The following PTBP3 variants were observed in gnomAD, a reference collection of about 807,000 sequenced individuals.
The protein encoded by PTBP3 is polypyrimidine tract-binding protein 3.
A neutral mutation model predicts 58.7 loss-of-function variants in PTBP3; 20 were observed. The ratio of observed to expected loss-of-function variants is 0.34; its 90% confidence interval spans 0.24 to 0.50. The LOEUF is 0.50. Ranked by LOEUF, PTBP3 falls within the 20% of genes least tolerant of loss-of-function variation. The pLI, the probability that PTBP3 is intolerant of heterozygous loss-of-function variation, is 0.98. For synonymous variants in PTBP3, 185 were observed against 219.8 expected (o/e 0.84, Z 1.40); for missense variants, 509 against 637.2 (o/e 0.80, Z 2.17).
the PTBP3 span, among the ~76,000 whole-genome samples, chr9:112,346,871 G>A: frequency 9.9e-5 from 15 of 152,052 alleles, 1 homozygote; most frequent in Non-Finnish European, 2.1e-4. Flanking sequence ...CTACAGGTGC[G>A]TGCCACCACA....
At chr9:112,338,862 C>A in the PTBP3 span, among the ~76,000 whole-genome samples, 1 of 152,194 alleles carries the variant, frequency 6.6e-6, no homozygotes, top group Non-Finnish European at 1.5e-5. Flanking sequence ...ATGGCCAGTG[C>A]CTGGCACAGA....
the PTBP3 span, among the ~76,000 whole-genome samples, chr9:112,366,664 C>G: frequency 2.0e-5 from 3 of 152,334 alleles, no homozygotes; most frequent in East Asian, 5.8e-4. Flanking sequence ...CAGAAGTTTG[C>G]TGCAGGGGTG....
chr9:112,272,569 T>A (rs567924830), intron 3 of PTBP3: 31 of 152,260 alleles, frequency 2.0e-4, no homozygotes, highest in African/African-American at 7.5e-4. Flanking sequence ...CATCTATCCA[T>A]CCATCCATTT....
chr9:112,245,989 T>A (rs1039424412), intron 7 of PTBP3, among the ~76,000 whole-genome samples: 1 of 139,794 alleles, frequency 7.2e-6, no homozygotes, highest in Non-Finnish European at 1.5e-5. Context: ...AAGAAAAACA[T>A]TTTTTTTTTT....
chr9:112,336,553 G>A (rs377696846), upstream of PTBP3, among the ~76,000 whole-genome samples: 12 of 152,006 alleles, frequency 7.9e-5, no homozygotes, highest in African/African-American at 1.7e-4. Flanking sequence ...AGGTCAAAGC[G>A]GCAGCATTGC....
intron 1 of PTBP3, chr9:112,332,772 T>C (rs913522610): frequency 6.2e-7 from 1 of 1,612,388 alleles, no homozygotes; most frequent in Non-Finnish European, 8.5e-7. Flanking sequence ...TCGTACATCA[T>C]ATTTTACATA....
At chr9:112,369,005 C>G in the PTBP3 span, among the ~76,000 whole-genome samples, 1 of 152,342 alleles carries the variant, frequency 6.6e-6, no homozygotes, top group East Asian at 1.9e-4. Flanking sequence ...TGATGGCTTA[C>G]ACGAGGTCTT....
intron 2 of PTBP3, among the ~76,000 whole-genome samples, chr9:112,287,021 G>T (rs549681989): frequency 2.6e-5 from 4 of 151,878 alleles, no homozygotes; most frequent in Non-Finnish European, 5.9e-5. Context: ...CCCCTCATCC[G>T]TCTCCACCAA....
intron 1 of PTBP3, among the ~76,000 whole-genome samples, chr9:112,319,618 G>A (rs1307199090): frequency 1.3e-5 from 2 of 152,124 alleles, no homozygotes; most frequent in Non-Finnish European, 2.9e-5. Context: ...CAGTATGGAA[G>A]TTTCTAAAAA....
intron 1 of PTBP3, among the ~76,000 whole-genome samples, chr9:112,308,367 A>C (rs200327465): frequency 0.81 from 111,501 of 138,176 alleles, 44,872 homozygotes; most frequent in South Asian, 0.9. Context: ...AAAAAAAAAA[A>C]AAAAAAAAAA....
intron 5 of PTBP3, among the ~76,000 whole-genome samples, chr9:112,262,134 C>G (rs1308040530): frequency 6.6e-6 from 1 of 152,052 alleles, no homozygotes; most frequent in Non-Finnish European, 1.5e-5. Flanking sequence ...GGTGACATTA[C>G]TTTCTAAGGA....
chr9:112,225,576 T>G (rs1485489021), intron 12 of PTBP3, among the ~76,000 whole-genome samples: 2 of 152,208 alleles, frequency 1.3e-5, no homozygotes, highest in Non-Finnish European at 2.9e-5. Flanking sequence ...AATTTTTAAA[T>G]TATGTGTATT....
intron 1 of PTBP3, among the ~76,000 whole-genome samples, chr9:112,313,229 G>A (rs532957856): frequency 6.6e-6 from 1 of 152,088 alleles, no homozygotes; most frequent in African/African-American, 2.4e-5. Context: ...TTAAGAGACA[G>A]GGTCTCGCTC....
chr9:112,292,879 A>G (rs1828503927), intron 2 of PTBP3, among the ~76,000 whole-genome samples: 1 of 152,224 alleles, frequency 6.6e-6, no homozygotes, highest in African/African-American at 2.4e-5. Flanking sequence ...CTGTATACTC[A>G]AAAATGTACA....
At chr9:112,345,492 C>T in the PTBP3 span, among the ~76,000 whole-genome samples, 2 of 150,748 alleles carry the variant, frequency 1.3e-5, no homozygotes, top group African/African-American at 2.4e-5. Flanking sequence ...TCTTGTGCCT[C>T]AGCCTCCTCA....
chr9:112,301,072 G>T (rs1414414946), intron 1 of PTBP3, among the ~76,000 whole-genome samples: 1 of 151,944 alleles, frequency 6.6e-6, no homozygotes, highest in Non-Finnish European at 1.5e-5. Context: ...AGAATAAAAA[G>T]ACAACATGGA....
chr9:112,258,080 G>A (rs1836448264), intron 5 of PTBP3, among the ~76,000 whole-genome samples: 1 of 151,888 alleles, frequency 6.6e-6, no homozygotes, highest in African/African-American at 2.4e-5. Flanking sequence ...CATATTACTA[G>A]GATTCTTTTA....
chr9:112,284,830 G>C (rs546206754), intron 2 of PTBP3, among the ~76,000 whole-genome samples: 1 of 135,720 alleles, frequency 7.4e-6, no homozygotes, highest in East Asian at 2.1e-4. Flanking sequence ...TTTGGAATGG[G>C]AGCATTCATC....
chr9:112,229,709 A>C (rs1414366389), intron 10 of PTBP3, among the ~76,000 whole-genome samples: 1 of 152,166 alleles, frequency 6.6e-6, no homozygotes, highest in Non-Finnish European at 1.5e-5. Flanking sequence ...TTAAAAACTA[A>C]ACATATACCA....
Sources: allele counts gnomAD v4.1 joint callset (sites outside exome capture counted in the v4.1 genomes callset), GRCh38; gene constraint gnomAD v4.1.1; transcripts MANE v1.5; gene names NCBI Gene and HGNC (gene_info 2026-07-23, HGNC 2026-07-21).